Variants in GRID2 observed in about 807,000 individuals in gnomAD.
GRID2 encodes glutamate ionotropic receptor delta type subunit 2, also known as glutamate receptor ionotropic, delta-2.
In GRID2, 33 loss-of-function variants were observed where a neutral mutation model predicts 114.8. The observed-to-expected ratio is 0.29, with a 90% CI of 0.22 to 0.38. The LOEUF is 0.38. Among genes scored for constraint, GRID2 ranks in the 10% least tolerant of loss-of-function variants. The pLI, the probability that GRID2 is intolerant of heterozygous loss-of-function variation, is 1.00. For missense variants in GRID2, 1,184 were observed against 1,257.7 expected, an observed-to-expected ratio of 0.94 and a Z score of 0.89; for synonymous variants, 505 against 449.9, an observed-to-expected ratio of 1.12 and a Z score of -1.55.
At chr4:92,541,244 TAACA>T (rs1465601681) in intron 1 of GRID2, among the ~76,000 whole-genome samples, 1 of 151,652 alleles carries the variant, frequency 6.6e-6, no homozygotes, top group African/African-American at 2.4e-5. Context: ...GTATACAATG[TAACA>T]AACCTGCACA....
At chr4:93,140,447 C>T (rs1441241636) in intron 4 of GRID2, among the ~76,000 whole-genome samples, 4 of 152,112 alleles carry the variant, frequency 2.6e-5, no homozygotes, top group South Asian at 2.1e-4. Context: ...CGTGAGCCAC[C>T]GCGCCCGGCT....
chr4:93,743,713 A>C (rs1175993581), intron 14 of GRID2, among the ~76,000 whole-genome samples: 2 of 152,188 alleles, frequency 1.3e-5, no homozygotes, highest in African/African-American at 4.8e-5. Context: ...AAGGGCATTA[A>C]TTTATTCATG....
At chr4:92,864,913 C>T (rs1578339550) in intron 2 of GRID2, among the ~76,000 whole-genome samples, 1 of 152,166 alleles carries the variant, frequency 6.6e-6, no homozygotes, top group African/African-American at 2.4e-5. Context: ...CGTCTACCTC[C>T]CCTCCTGGAT....
intron 7 of GRID2, among the ~76,000 whole-genome samples, chr4:93,229,229 G>A (rs561820892): frequency 6.6e-6 from 1 of 152,216 alleles, no homozygotes; most frequent in East Asian, 1.9e-4. Context: ...TGTCAATGCT[G>A]GTGATACTCC....
chr4:92,810,139 A>G (rs543897745), intron 2 of GRID2, among the ~76,000 whole-genome samples: 1 of 152,174 alleles, frequency 6.6e-6, no homozygotes, highest in South Asian at 2.1e-4. Context: ...TGATTGAACA[A>G]TATAAATTTG....
intron 2 of GRID2, among the ~76,000 whole-genome samples, chr4:92,762,549 G>A (rs954730476): frequency 6.6e-6 from 1 of 151,918 alleles, no homozygotes; most frequent in Non-Finnish European, 1.5e-5. Context: ...CCTAGTCAGA[G>A]TATATATTTC....
intron 14 of GRID2, among the ~76,000 whole-genome samples, chr4:93,734,047 G>A (rs956000718): frequency 6.6e-6 from 1 of 151,886 alleles, no homozygotes; most frequent in Admixed American, 6.6e-5. Flanking sequence ...CCTTAGATTT[G>A]CATTGAAACT....
At chr4:93,658,628 C>T (rs1171799518) in intron 14 of GRID2, among the ~76,000 whole-genome samples, 1 of 152,124 alleles carries the variant, frequency 6.6e-6, no homozygotes, top group African/African-American at 2.4e-5. Context: ...CTCTCATCCC[C>T]TCTACTATTA....
intron 2 of GRID2, among the ~76,000 whole-genome samples, chr4:92,940,835 T>G (rs1751060814): frequency 6.6e-6 from 1 of 152,212 alleles, no homozygotes; most frequent in Admixed American, 6.5e-5. Flanking sequence ...TCATGTGGTT[T>G]TTGTCTTTGG....
At chr4:92,659,069 C>T (rs34738616) in intron 2 of GRID2, among the ~76,000 whole-genome samples, 42,863 of 137,332 alleles carry the variant, frequency 0.31, 7,766 homozygotes, top group East Asian at 0.4. Flanking sequence ...ATTACAATGT[C>T]ATGTAGATGC....
chr4:93,611,539 A>T (rs1740914273), intron 13 of GRID2, among the ~76,000 whole-genome samples: 1 of 142,712 alleles, frequency 7.0e-6, no homozygotes. Context: ...GGTTTCAAAG[A>T]ACATCTTTAT....
chr4:93,342,725 A>T (rs530311271), intron 8 of GRID2, among the ~76,000 whole-genome samples: 2 of 152,348 alleles, frequency 1.3e-5, no homozygotes, highest in South Asian at 4.1e-4. Flanking sequence ...AGCAAAATCA[A>T]CTATGGTGCA....
intron 5 of GRID2, among the ~76,000 whole-genome samples, chr4:93,216,185 A>C (rs938326421): frequency 3.6e-5 from 3 of 83,024 alleles, no homozygotes; most frequent in African/African-American, 1.8e-4. Context: ...AATTCTAATA[A>C]ATTATTAGAA....
intron 1 of GRID2, among the ~76,000 whole-genome samples, chr4:92,582,029 GT>G (rs1396280308): frequency 6.6e-6 from 1 of 151,908 alleles, no homozygotes; most frequent in Non-Finnish European, 1.5e-5. Context: ...TGGAATGGAA[GT>G]TAATATTATA....
At chr4:92,668,930 T>C (rs781097852) in intron 2 of GRID2, among the ~76,000 whole-genome samples, 1 of 151,908 alleles carries the variant, frequency 6.6e-6, no homozygotes, top group Non-Finnish European at 1.5e-5. Flanking sequence ...TTGGGCCTTG[T>C]TACTTGGGAA....
intron 11 of GRID2, among the ~76,000 whole-genome samples, chr4:93,489,528 G>A (rs2149458052): frequency 6.6e-6 from 1 of 151,966 alleles, no homozygotes; most frequent in Admixed American, 6.6e-5. Flanking sequence ...CGTTTATAAA[G>A]GCACCATGGT....
intron 8 of GRID2, among the ~76,000 whole-genome samples, chr4:93,281,061 A>T (rs1579529928): frequency 6.6e-6 from 1 of 151,926 alleles, no homozygotes; most frequent in African/African-American, 2.4e-5. Flanking sequence ...ATATACACAC[A>T]TATATGATAC....
intron 14 of GRID2, among the ~76,000 whole-genome samples, chr4:93,740,798 T>C (rs1578707964): frequency 6.6e-6 from 1 of 152,112 alleles, no homozygotes; most frequent in East Asian, 1.9e-4. Context: ...TTCACCTCTC[T>C]GTATAGTCTA....
chr4:93,727,061 G>A (rs1013627909), intron 14 of GRID2, among the ~76,000 whole-genome samples: 4 of 152,138 alleles, frequency 2.6e-5, no homozygotes, highest in African/African-American at 9.7e-5. Context: ...CCTGACTTGT[G>A]CCAGTTTTCA....
Sources: gnomAD v4.1 joint callset for allele counts (sites outside exome capture counted in the v4.1 genomes callset) on GRCh38, gnomAD v4.1.1 for gene constraint, MANE v1.5 for transcripts, NCBI Gene and HGNC (gene_info 2026-07-23, HGNC 2026-07-21) for gene names.